POLR2F: variants seen among roughly 807,000 people sequenced by gnomAD.
POLR2F encodes DNA-directed RNA polymerases I, II, and III subunit RPABC2.
In POLR2F, 12 loss-of-function variants were observed where a neutral mutation model predicts 22.7. The observed-to-expected ratio is 0.53, with a 90% CI of 0.34 to 0.86. The LOEUF (loss-of-function observed/expected upper bound fraction) is 0.86. Among genes scored for constraint, POLR2F ranks in the 40% least tolerant of loss-of-function variants. The pLI, the probability that POLR2F is intolerant of heterozygous loss-of-function variation, is 0.02. For missense variants in POLR2F, 126 were observed against 171.5 expected (o/e 0.73, Z 1.48); for synonymous variants, 57 against 66.0 (o/e 0.86, Z 0.66).
At position 37,976,415 on chromosome 22, in the gene POLR2F, C is replaced by T. The variant is rs776980678; in HGVS notation, c.293+9245C>T. 3.3e-4 allele frequency among the ~76,000 whole-genome samples: 51 copies of T among 152,306 alleles called. 1 individual carries two copies. Among genetic ancestry groups the T allele is most frequent in the Middle Eastern group, 3.4e-3 (1 of 294 alleles). Reference sequence around the variant, plus strand: ...TTTCATCCCTGCTCCTCTCTCTAGACTATGGGCCCCTGAGGCCAGGGACTG... The same window carrying T: ...TTTCATCCCTGCTCCTCTCTCTAGATTATGGGCCCCTGAGGCCAGGGACTG... On this transcript the variant is annotated intron_variant, in intron 4 of 4. Coordinates refer to the POLR2F transcript ENST00000405557.
intron 1 of POLR2F, among the ~76,000 whole-genome samples, chr22:37,955,822 A>G (rs1305598247): frequency 6.6e-6 from 1 of 151,546 alleles, no homozygotes; most frequent in Admixed American, 6.6e-5. Context: ...AGCTGGGATT[A>G]CAGGCGCCCA....
intron 1 of POLR2F, among the ~76,000 whole-genome samples, chr22:37,992,701 C>A (rs1008061079): frequency 1.3e-5 from 2 of 152,150 alleles, no homozygotes; most frequent in Non-Finnish European, 2.9e-5. Context: ...GCCCGCCCCC[C>A]GGCTAATTTT....
chr22:38,002,866 C>T (rs2084785958), intron 1 of POLR2F, among the ~76,000 whole-genome samples: 1 of 151,928 alleles, frequency 6.6e-6, no homozygotes, highest in African/African-American at 2.4e-5. Flanking sequence ...GCTGGGATTA[C>T]AGGCACCTGC....
chr22:38,009,225 G>T (rs568456638), intron 1 of POLR2F, among the ~76,000 whole-genome samples: 2 of 152,180 alleles, frequency 1.3e-5, no homozygotes, highest in Non-Finnish European at 2.9e-5. Flanking sequence ...ACATGGGCTC[G>T]TACTCCAAGG....
chr22:38,031,156 A>G (rs1204031914), downstream of POLR2F, among the ~76,000 whole-genome samples: 2 of 152,094 alleles, frequency 1.3e-5, no homozygotes, highest in Non-Finnish European at 2.9e-5. The surrounding 1 kb of genome is among the most constrained non-coding windows in gnomAD (Gnocchi z 4.1). Context: ...CACCTCTTCC[A>G]AGACGCAGGG....
At chr22:37,983,720 C>A, upstream of POLR2F, 2 of 1,493,324 alleles carry the variant, frequency 1.3e-6, no homozygotes, top group Admixed American at 2.4e-5. This position sits in a 1 kb window ranked among gnomAD's most constrained non-coding sequence, Gnocchi z 9.5. Flanking sequence ...CGGGGACAGG[C>A]AGCGGGGCTC....
chr22:37,992,344 A>AGGT (rs1168209013), intron 1 of POLR2F, among the ~76,000 whole-genome samples: 8 of 152,106 alleles, frequency 5.3e-5, no homozygotes, highest in African/African-American at 1.7e-4. Flanking sequence ...TCTGCCGCCA[A>AGGT]GGTGGCTGTT....
At chr22:38,036,718 C>G (rs3026677) in intron 5 of POLR2F, among the ~76,000 whole-genome samples, 89,473 of 151,318 alleles carry the variant, frequency 0.59, 26,629 homozygotes, top group East Asian at 0.75. Flanking sequence ...TCAGACCACA[C>G]CATCCCCTGC....
intron 1 of POLR2F, among the ~76,000 whole-genome samples, chr22:38,022,827 A>G (rs2084972386): frequency 6.6e-6 from 1 of 152,186 alleles, no homozygotes; most frequent in Non-Finnish European, 1.5e-5. Flanking sequence ...AGCCTGGCCA[A>G]CATAGCGAAA....
In POLR2F at chr22:38,016,734, G is replaced by GGGGAGGGGGC; in HGVS notation, c.121-9124_121-9115dup. On this transcript the variant is annotated intron_variant, in intron 1 of 2. Coordinates refer to the POLR2F transcript ENST00000333418. This position sits in a 1 kb window ranked among gnomAD's most constrained non-coding sequence, Gnocchi z 4.4. ...GAAAGAGTGCTGGCACGCACCGCGG[G>GGGGAGGGGGC]GGGAGGGGGCGGGAGGGGGCCGCCG... is the stretch of plus-strand genomic sequence containing the variant. Among the ~76,000 whole-genome samples the GGGGAGGGGGC allele has an allele frequency of 1.3e-5, 2 of 152,086 alleles. No individual in the cohort carries two copies. The highest frequency in any genetic ancestry group is 4.1e-4 in the South Asian group (2 of 4,826).
At chr22:38,002,149 C>CT (rs976494162) in intron 1 of POLR2F, among the ~76,000 whole-genome samples, 148 of 140,984 alleles carry the variant, frequency 1.0e-3, no homozygotes, top group South Asian at 2.3e-3. Context: ...CACACCTGGC[C>CT]TTTTTTTTTT....
intron 5 of POLR2F, chr22:38,040,924 TG>T: frequency 7.6e-7 from 1 of 1,316,884 alleles, no homozygotes; most frequent in Non-Finnish European, 1.1e-6. Context: ...TGGACAGGAG[TG>T]GTCAAGTCAG....
chr22:37,990,334 C>T (rs1251276239), intron 1 of POLR2F, among the ~76,000 whole-genome samples: 3 of 152,246 alleles, frequency 2.0e-5, no homozygotes, highest in Non-Finnish European at 4.4e-5. Context: ...TCCTTCGCTC[C>T]CAACTCCATC....
chr22:37,954,552 C>T (rs1482180019), intron 1 of POLR2F, among the ~76,000 whole-genome samples: 2 of 152,158 alleles, frequency 1.3e-5, no homozygotes, highest in South Asian at 2.1e-4. Flanking sequence ...CCACCCGCCT[C>T]GGCCTCCCAA....
chr22:37,986,056 T>A, upstream of POLR2F: 2 of 1,411,786 alleles, frequency 1.4e-6, no homozygotes, highest in Non-Finnish European at 9.2e-7. The surrounding 1 kb of genome is among the most constrained non-coding windows in gnomAD (Gnocchi z 4.7). Flanking sequence ...CCCAGACTCT[T>A]GTTCGGGGCC....
Position 37,959,367 on chromosome 22 carries a change from A to T in POLR2F, c.112A>T (p.Ile38Phe). 1 of 1,613,906 alleles carries T rather than the reference A, an allele frequency of 6.2e-7. No individual in the cohort carries two copies. The highest frequency in any genetic ancestry group is 8.5e-7 in the Non-Finnish European group (1 of 1,179,936). The change falls in exon 3 of 5, where the codon ATC becomes TTC. Residue 38 changes from isoleucine (I) to phenylalanine (F), a missense_variant. Coordinates refer to ENST00000442738, the MANE Select transcript of POLR2F (RefSeq NM_021974.5). Reference protein sequence around the residue: ...AEEEGQENVEILPSGERPQAN... With the variant: ...AEEEGQENVEFLPSGERPQAN... ...CCAGGAAGGCCAGGAGAATGTCGAGATCCTCCCCTCTGGGGAGCGACCGCA... is the reference window on the plus strand; with the variant it reads ...CCAGGAAGGCCAGGAGAATGTCGAGTTCCTCCCCTCTGGGGAGCGACCGCA...
At position 37,997,825 on chromosome 22, in the gene POLR2F, C is replaced by G. The variant is rs560484311; in HGVS notation, c.120+11513C>G. Among the ~76,000 whole-genome samples the G allele has an allele frequency of 6.6e-6, 1 of 152,148 alleles. No individual in the cohort carries two copies. The highest frequency in any genetic ancestry group is 1.5e-5 in the Non-Finnish European group (1 of 68,022). On this transcript the variant is annotated intron_variant, in intron 1 of 2. Transcript: ENST00000333418. The surrounding 1 kb of genome is among the most constrained non-coding windows in gnomAD (Gnocchi z 4.4). The stretch of plus-strand genomic sequence containing the variant: ...CACCTCCTGTGAGCCCACAGCTCAC[C>G]GTCTGTCGAGGGGGGACAGGCAGGA...
In POLR2F at chr22:37,968,337, C is replaced by T; in HGVS notation, c.*622C>T. ...CCTGCCTACCCCTGCCCCCATGGCT[C>T]TGTCCCCACTCCTCCTCAGGACTCT... On this transcript the variant is annotated 3_prime_UTR_variant, in exon 5 of 5. Coordinates refer to ENST00000442738, the MANE Select transcript of POLR2F (RefSeq NM_021974.5). 2 of 985,970 alleles carry T rather than the reference C, an allele frequency of 2.0e-6. No homozygotes were observed. Among genetic ancestry groups the T allele is most frequent in the South Asian group, 4.7e-5 (1 of 21,304 alleles). The allele number at this position is 985,970 out of a possible 1,614,324, so 61.1% of individuals were successfully genotyped here.
At chr22:37,976,754 A>G (rs1932232108) in intron 4 of POLR2F, among the ~76,000 whole-genome samples, 1 of 152,250 alleles carries the variant, frequency 6.6e-6, no homozygotes, top group Non-Finnish European at 1.5e-5. Flanking sequence ...GTTAGTATAC[A>G]TAAGGCAACT....
Sources: gnomAD v4.1 joint callset for allele counts (sites outside exome capture counted in the v4.1 genomes callset) on GRCh38, gnomAD v4.1.1 for gene constraint, Gnocchi (gnomAD v3.1) non-coding constraint, MANE v1.5 for transcripts, NCBI Gene and HGNC (gene_info 2026-07-23, HGNC 2026-07-21) for gene names.